Variants in ITIH5 observed in about 807,000 individuals in gnomAD.
ITIH5 encodes inter-alpha-trypsin inhibitor heavy chain 5, also known as inter-alpha-trypsin inhibitor heavy chain H5.
ITIH5 carries 65 observed loss-of-function variants against 77.5 expected under a neutral mutation model. That is an observed-to-expected ratio of 0.84 (90% CI 0.69 to 1.03). The LOEUF is 1.03. Among genes scored for constraint, ITIH5 ranks in the 50% least tolerant of loss-of-function variants. The pLI, the probability that ITIH5 is intolerant of heterozygous loss-of-function variation, is 0.00. For synonymous variants in ITIH5, 525 were observed against 494.3 expected, an observed-to-expected ratio of 1.06 and a Z score of -0.82; for missense variants, 1,208 against 1,213.1, an observed-to-expected ratio of 1.00 and a Z score of 0.06.
At position 7,637,288 on chromosome 10, in the gene ITIH5, C is replaced by T. The variant is rs1247790056; in HGVS notation, c.592G>A (p.Ala198Thr). 1.9e-6 allele frequency: 3 copies of T among 1,612,412 alleles called. No individual in the cohort carries two copies. Among genetic ancestry groups the T allele is most frequent in the Admixed American group, 1.7e-5 (1 of 60,010 alleles). Reference sequence around the variant, plus strand: ...TGAAGCGGCAGCACCTCCAGGGATGCGATGCCCGCGCTCTCCAGGATATTC... The same window carrying T: ...TGAAGCGGCAGCACCTCCAGGGATGTGATGCCCGCGCTCTCCAGGATATTC... ...DVNILESAGIASLEVLPLHNS... is the reference protein window; with the variant it reads ...DVNILESAGITSLEVLPLHNS... The change falls in exon 5 of 14, where the codon GCA becomes ACA. Residue 198 changes from alanine to threonine, a missense_variant. Transcript: ENST00000397146.
At position 7,576,936 on chromosome 10, in the gene ITIH5, T is replaced by C; in HGVS notation, c.1495A>G (p.Thr499Ala). ...AAGTAGTTGGGGAACAGGGTCTTGG[T>C]GGCCTGCACCACTGAGCTGGGGGGA... is the stretch of plus-strand genomic sequence containing the variant. Reference protein sequence around the residue: ...DYPPSSVVQATKTLFPNYFNG... With the variant: ...DYPPSSVVQAAKTLFPNYFNG... The change falls in exon 10 of 14, where the codon ACC (threonine) becomes GCC (alanine). Residue 499 changes from threonine (T) to alanine (A), a missense_variant. Physicochemically the swap from Thr to Ala is moderately conservative, Grantham distance 58. Transcript: ENST00000397146. 1 of 1,614,124 alleles carries C rather than the reference T, an allele frequency of 6.2e-7. No individual in the cohort carries two copies. Among genetic ancestry groups the C allele is most frequent in the East Asian group, 2.2e-5 (1 of 44,868 alleles).
chr10:7,584,844 T>TG (rs1224856603), intron 8 of ITIH5, among the ~76,000 whole-genome samples: 3 of 152,208 alleles, frequency 2.0e-5, no homozygotes, highest in Non-Finnish European at 4.4e-5. Context: ...ACTATCATAT[T>TG]AAATCTAATC....
At chr10:7,608,606 G>C (rs1588395526) in intron 7 of ITIH5, among the ~76,000 whole-genome samples, 1 of 152,128 alleles carries the variant, frequency 6.6e-6, no homozygotes, top group Non-Finnish European at 1.5e-5. Context: ...TTGAAATGTG[G>C]CAGACCCACA....
chr10:7,648,971 G>A (rs915822195), intron 2 of ITIH5, among the ~76,000 whole-genome samples: 2 of 152,110 alleles, frequency 1.3e-5, no homozygotes, highest in African/African-American at 4.8e-5. Context: ...TCTCCCAGGA[G>A]CCCCTGCTCT....
chr10:7,581,472 TTGA>T (rs1286281374), intron 8 of ITIH5, among the ~76,000 whole-genome samples: 1 of 152,058 alleles, frequency 6.6e-6, no homozygotes, highest in African/African-American at 2.4e-5. Context: ...TTTTTTTCTT[TTGA>T]TGATTTTCTT....
intron 7 of ITIH5, among the ~76,000 whole-genome samples, chr10:7,590,879 C>A (rs951038871): frequency 1.3e-5 from 2 of 152,210 alleles, no homozygotes; most frequent in Non-Finnish European, 2.9e-5. Flanking sequence ...TCGCTGCCCT[C>A]AGCATAAAGT....
At position 7,650,424 on chromosome 10, in the gene ITIH5, T is replaced by G. The variant is rs375350269; in HGVS notation, c.135+5207A>C. Among the ~76,000 whole-genome samples the G allele has an allele frequency of 2.0e-5, 3 of 152,314 alleles. No homozygotes were observed. In the East Asian group the frequency reaches 5.8e-4, roughly 29 times the overall value. ...GCACCAAATCTCTACTAACCCTTAA[T>G]GCTTCTCCTTTCTGAGAAAAACAAT... On this transcript the variant is annotated intron_variant, in intron 2 of 13. Coordinates refer to ENST00000397146, the MANE Select transcript of ITIH5 (RefSeq NM_030569.7).
intron 5 of ITIH5, 44 bp from the exon 6 acceptor site, chr10:7,617,326 T>C (rs1264766835): frequency 6.2e-6 from 8 of 1,281,954 alleles, no homozygotes; most frequent in Admixed American, 3.0e-5. Flanking sequence ...AATATATATT[T>C]TTCCAAAAAG....
intron 1 of ITIH5, among the ~76,000 whole-genome samples, chr10:7,666,435 T>C (rs1588437242): frequency 1.3e-5 from 2 of 152,146 alleles, no homozygotes; most frequent in East Asian, 3.9e-4. Context: ...CAACTGGGAA[T>C]GATGATAACA....
intron 9 of ITIH5, 130 bp downstream of exon 9, chr10:7,579,625 C>T (rs1832498024): frequency 3.4e-6 from 3 of 876,668 alleles, no homozygotes; most frequent in South Asian, 3.1e-5. Flanking sequence ...CCTCCCATTG[C>T]AATGAGCTAT....
intron 9 of ITIH5, among the ~76,000 whole-genome samples, chr10:7,577,311 C>G (rs1277789566): frequency 6.6e-6 from 1 of 152,194 alleles, no homozygotes; most frequent in East Asian, 1.9e-4. Flanking sequence ...AATTTCCACC[C>G]ACTGGTTTCA....
intron 7 of ITIH5, among the ~76,000 whole-genome samples, chr10:7,612,982 T>G (rs1028538765): frequency 6.6e-6 from 1 of 152,188 alleles, no homozygotes; most frequent in Non-Finnish European, 1.5e-5. Context: ...CGGTGGCTCA[T>G]GCCTGTAATC....
chr10:7,636,932 T>C (rs1317955948), intron 5 of ITIH5, among the ~76,000 whole-genome samples: 1 of 152,020 alleles, frequency 6.6e-6, no homozygotes, highest in Non-Finnish European at 1.5e-5. Context: ...ATGCCTGTAA[T>C]CCCAGCTACT....
intron 10 of ITIH5, among the ~76,000 whole-genome samples, chr10:7,575,088 T>C (rs1832382633): frequency 6.6e-6 from 1 of 152,226 alleles, no homozygotes; most frequent in South Asian, 2.1e-4. Context: ...GAAATAGCCA[T>C]GTCAATTGCA....
At chr10:7,618,770 A>G (rs1167855472) in intron 5 of ITIH5, 3 of 152,274 alleles carry the variant, frequency 2.0e-5, no homozygotes, top group Non-Finnish European at 4.4e-5. Context: ...AAGTGGCCAC[A>G]GTAATTTGTA....
rs1345694337 is a variant in ITIH5, at chr10:7,640,688, A to G, written c.401+66T>C. ...AAGGAAGACGACAAGAGGAGTAGGC[A>G]AAGGCATAGAAAATGTGGCACTTTG... On this transcript the variant is annotated intron_variant, in intron 4 of 13. Transcript: ENST00000397146. The G allele has an allele frequency of 7.3e-6, 7 of 959,056 alleles. No homozygotes were observed. The African/African-American group carries it at 9.7e-5, about 13-fold the overall frequency. 59.4% of individuals were successfully genotyped at this position (959,056 alleles called of 1,614,324 possible).
Position 7,559,549 on chromosome 10 carries a change from T to C in ITIH5, c.*3534A>G, listed in dbSNP as rs1321591231. 10 of 200,524 alleles carry C rather than the reference T, an allele frequency of 5.0e-5. No homozygotes were observed. Among genetic ancestry groups the C allele is most frequent in the Non-Finnish European group, 1.0e-4 (10 of 99,058 alleles). The allele number at this position is 200,524 out of a possible 1,614,324, so 12.4% of individuals were successfully genotyped here. ...TACAGTTCCAAGAGTCCTTTAAATT[T>C]TAATAACAGCATTGTTTGTGTACAT... is the stretch of plus-strand genomic sequence containing the variant. On this transcript the variant is annotated 3_prime_UTR_variant, in exon 14 of 14. Coordinates refer to ENST00000397146, the MANE Select transcript of ITIH5 (RefSeq NM_030569.7).
At chr10:7,580,179 G>A (rs1832520906) in intron 8 of ITIH5, 115 bp from the exon 9 acceptor site, 8 of 862,206 alleles carry the variant, frequency 9.3e-6, no homozygotes, top group Non-Finnish European at 1.4e-5. Context: ...GGAGTGCAAT[G>A]GCGCAATCTG....
chr10:7,567,319 T>TTTATTATTATGATTA (rs1832206706), intron 12 of ITIH5, among the ~76,000 whole-genome samples: 1 of 139,492 alleles, frequency 7.2e-6, no homozygotes, highest in South Asian at 2.4e-4. Flanking sequence ...TCGGACATCT[T>TTTATTATTATGATTA]TTATTATTAT....
Sources: gnomAD v4.1 joint callset for allele counts (sites outside exome capture counted in the v4.1 genomes callset) on GRCh38, gnomAD v4.1.1 for gene constraint, MANE v1.5 for transcripts, NCBI Gene and HGNC (gene_info 2026-07-23, HGNC 2026-07-21) for gene names.